Variants in MOCS3 observed in about 807,000 individuals in gnomAD.
MOCS3 encodes the protein adenylyltransferase and sulfurtransferase MOCS3.
A neutral mutation model predicts 8.4 loss-of-function variants in MOCS3; 9 were observed. That is an observed-to-expected ratio of 1.07 (90% confidence interval 0.65 to 1.87). The LOEUF is 1.87. Among genes scored for constraint, MOCS3 ranks in the 40% most tolerant of loss-of-function variants. MOCS3 has a pLI of 0.00. For synonymous variants in MOCS3, 294 were observed against 272.0 expected, an observed-to-expected ratio of 1.08 and a Z score of -0.80; for missense variants, 581 against 599.7, an observed-to-expected ratio of 0.97 and a Z score of 0.33.
rs377351645 is a variant in MOCS3, at chr20:50,959,001, C to G, written c.159C>G (p.Ala53=). Residue 53 remains alanine, a synonymous_variant, in exon 1 of 1, where the codon GCC becomes GCG. Transcript: ENST00000244051. ...CGGTGTCGCCGCTGCCGCCGAAGGC[C>G]GCTCTGTCCCGAGATGAGATTCTGC... ...LVPVSPLPPK[A]ALSRDEILRY... 2.5e-6 allele frequency: 4 copies of G among 1,609,654 alleles called. No homozygotes were observed. The South Asian group carries it at 4.4e-5, about 18-fold the overall frequency.
chr20:50,959,981 G>T lies in MOCS3; in HGVS notation c.1139G>T (p.Arg380Leu). Reference protein sequence around the residue: ...ALHIPLKHLERRDAESLKLLK... With the variant: ...ALHIPLKHLELRDAESLKLLK... The stretch of plus-strand genomic sequence containing the variant: ...CACATCCCTCTGAAACATTTGGAAC[G>T]CAGGGATGCGGAGAGCCTGAAACTC... Residue 380 changes from arginine (R) to leucine (L), a missense_variant, in exon 1 of 1, where the codon CGC becomes CTC. Physicochemically the swap from Arg to Leu is moderately radical, Grantham distance 102 (BLOSUM62 -2). Coordinates refer to ENST00000244051, the MANE Select transcript of MOCS3 (RefSeq NM_014484.5). 6.2e-7 allele frequency: 1 copy of T among 1,614,264 alleles called. No individual in the cohort carries two copies. Among genetic ancestry groups the T allele is most frequent in the South Asian group, 1.1e-5 (1 of 91,084 alleles).
rs761596349 is a variant in MOCS3 at position 50,961,272 on chromosome 20, GTTTT to G, written c.*1051_*1054del. 1.2e-5 allele frequency: 2 copies of G among 166,892 alleles called. No homozygotes were observed. The highest frequency in any genetic ancestry group is 2.9e-5 in the Non-Finnish European group (2 of 68,094). The allele number at this position is 166,892 out of a possible 1,614,324, so 10.3% of individuals were successfully genotyped here. On this transcript the variant is annotated 3_prime_UTR_variant, in exon 1 of 1. Transcript: ENST00000244051. ...TTTGCCTTTTCTCTTTTGATTTAAT[GTTTT>G]TTTATTCCAGCATTTTATACTAATG...
rs904883887 is a variant in MOCS3 at position 50,961,941 on chromosome 20, A to C, written c.*1716A>C. 3 of 152,236 alleles carry C rather than the reference A, an allele frequency of 2.0e-5. No individual in the cohort carries two copies. Among genetic ancestry groups the C allele is most frequent in the African/African-American group, 7.2e-5 (3 of 41,462 alleles). 9.4% of individuals were successfully genotyped at this position (152,236 alleles called of 1,614,324 possible). Reference sequence around the variant, plus strand: ...TACATAGCAGGAAACAAATAGCGACACACAGGAACAATTTCATATTCTAAA... The same window carrying C: ...TACATAGCAGGAAACAAATAGCGACCCACAGGAACAATTTCATATTCTAAA... On this transcript the variant is annotated 3_prime_UTR_variant, in exon 1 of 1. Coordinates refer to ENST00000244051, the MANE Select transcript of MOCS3 (RefSeq NM_014484.5).
Position 50,959,399 on chromosome 20 carries a change from G to T in MOCS3, c.557G>T (p.Arg186Leu). ...VADCSDNVPTRYLVNDACVLA... is the reference protein window; with the variant it reads ...VADCSDNVPTLYLVNDACVLA... ...GACTGCTCGGACAACGTGCCCACTC[G>T]CTACCTGGTTAATGACGCATGTGTG... The change falls in exon 1 of 1, where the codon CGC becomes CTC. Residue 186 changes from arginine (R) to leucine (L), a missense_variant. Physicochemically the swap from Arg to Leu is moderately radical, Grantham distance 102. Coordinates refer to ENST00000244051, the MANE Select transcript of MOCS3 (RefSeq NM_014484.5). The T allele has an allele frequency of 3.7e-6, 6 of 1,613,564 alleles. No homozygotes were observed. The highest frequency in any genetic ancestry group is 5.1e-6 in the Non-Finnish European group (6 of 1,179,840).
chr20:50,959,211 C>T lies in MOCS3; in HGVS notation c.369C>T (p.Ala123=). The T allele has an allele frequency of 1.2e-6, 2 of 1,611,590 alleles. No homozygotes were observed. Among genetic ancestry groups the T allele is most frequent in the Non-Finnish European group, 1.7e-6 (2 of 1,179,226 alleles). ...ACGTGGTAGAGATGAGCAACCTGGC[C>T]CGCCAAGTGCTGCATGGCGAGGCAC... The part of the protein sequence containing the change: ...DYDVVEMSNL[A]RQVLHGEALA... Residue 123 remains alanine (A), a synonymous_variant, in exon 1 of 1, where the codon GCC becomes GCT. Coordinates refer to ENST00000244051, the MANE Select transcript of MOCS3 (RefSeq NM_014484.5).
In MOCS3 at chr20:50,960,125, TATC is replaced by T; in HGVS notation, c.1285_1287del (p.Ser429del). On this transcript the variant is annotated inframe_deletion, in exon 1 of 1. Transcript: ENST00000244051. ...AAAGCCGTGAAGATCCTCCAGTCCT[TATC>T]AGCAGCTCAAGAGTTAGACCCTTTA... 1 of 1,614,216 alleles carries T rather than the reference TATC, an allele frequency of 6.2e-7. No homozygotes were observed. The highest frequency in any genetic ancestry group is 8.5e-7 in the Non-Finnish European group (1 of 1,180,034).
chr20:50,959,029 T>G lies in MOCS3; in HGVS notation c.187T>G (p.Tyr63Asp). 1 of 1,612,586 alleles carries G rather than the reference T, an allele frequency of 6.2e-7. No homozygotes were observed. The highest frequency in any genetic ancestry group is 2.2e-5 in the East Asian group (1 of 44,862). ...TCTGTCCCGAGATGAGATTCTGCGC[T>G]ATAGCCGGCAGCTAGTGCTGCCCGA... ...AALSRDEILRYSRQLVLPELG... is the reference protein window; with the variant it reads ...AALSRDEILRDSRQLVLPELG... The change falls in exon 1 of 1, where the codon TAT becomes GAT. Residue 63 changes from tyrosine (Y) to aspartate (D), a missense_variant. Coordinates refer to ENST00000244051, the MANE Select transcript of MOCS3 (RefSeq NM_014484.5).
In MOCS3 at chr20:50,958,902, A is replaced by T; in HGVS notation, c.60A>T (p.Glu20Asp). 1 of 1,606,010 alleles carries T rather than the reference A, an allele frequency of 6.2e-7. No homozygotes were observed. Among genetic ancestry groups the T allele is most frequent in the Non-Finnish European group, 8.5e-7 (1 of 1,174,026 alleles). Reference protein sequence around the residue: ...LQAEVAQREEELNSLKQKLAS... With the variant: ...LQAEVAQREEDLNSLKQKLAS... ...CTGAAGTTGCCCAACGTGAGGAGGA[A>T]TTGAATTCGCTGAAGCAGAAGCTGG... The change falls in exon 1 of 1, where the codon GAA (glutamate) becomes GAT (aspartate). Residue 20 changes from glutamate (E) to aspartate (D), a missense_variant. Glu to Asp is a conservative substitution (Grantham distance 45). Coordinates refer to ENST00000244051, the MANE Select transcript of MOCS3 (RefSeq NM_014484.5).
Position 50,960,265 on chromosome 20 carries a change from A to C in MOCS3, c.*40A>C. 1.3e-6 allele frequency: 2 copies of C among 1,544,830 alleles called. No individual in the cohort carries two copies. The highest frequency in any genetic ancestry group is 8.7e-7 in the Non-Finnish European group (1 of 1,144,158). On this transcript the variant is annotated 3_prime_UTR_variant, in exon 1 of 1. Transcript: ENST00000244051. ...TCTGATGAGAAAGATGTGGATTGCC[A>C]TAATACCTCAAAGATACACTTGTTT...
Position 50,959,224 on chromosome 20 carries a change from C to T in MOCS3, c.382C>T (p.His128Tyr), listed in dbSNP as rs1379132624. The change falls in exon 1 of 1, where the codon CAT becomes TAT. Residue 128 changes from histidine to tyrosine, a missense_variant. His to Tyr is a moderately conservative substitution (Grantham distance 83). Transcript: ENST00000244051. The part of the protein sequence containing the change: ...EMSNLARQVL[H>Y]GEALAGQAKA... ...GAGCAACCTGGCCCGCCAAGTGCTG[C>T]ATGGCGAGGCACTGGCTGGCCAGGC... 1.2e-6 allele frequency: 2 copies of T among 1,611,210 alleles called. No individual in the cohort carries two copies. The highest frequency in any genetic ancestry group is 1.1e-5 in the South Asian group (1 of 91,030).
Position 50,959,453 on chromosome 20 carries a change from GTGCCT to G in MOCS3, c.615_619del (p.Phe208GlyfsTer9). 1.2e-6 allele frequency: 2 copies of G among 1,613,996 alleles called. No individual in the cohort carries two copies. Among genetic ancestry groups the G allele is most frequent in the Non-Finnish European group, 1.7e-6 (2 of 1,180,044 alleles). On this transcript the variant is annotated frameshift_variant, in exon 1 of 1. Coordinates refer to ENST00000244051, the MANE Select transcript of MOCS3 (RefSeq NM_014484.5). LOFTEE classifies it low-confidence loss of function (END_TRUNC). ...GCGGGTCGGCCCCTCGTGTCTGCCA[GTGCCT>G]TGCGCTTCGAGGGCCAAATCACAGT...
At position 50,960,068 on chromosome 20, in the gene MOCS3, A is replaced by G; in HGVS notation, c.1226A>G (p.Tyr409Cys). Residue 409 changes from tyrosine (Y) to cysteine (C), a missense_variant, in exon 1 of 1, where the codon TAT (tyrosine) becomes TGT (cysteine). By Grantham distance (194) the Tyr-to-Cys change is radical. Coordinates refer to ENST00000244051, the MANE Select transcript of MOCS3 (RefSeq NM_014484.5). ...GTQEGAAVPIYVICKLGNDSQ... is the reference protein window; with the variant it reads ...GTQEGAAVPICVICKLGNDSQ... Reference sequence around the variant, plus strand: ...CAAGAAGGGGCTGCTGTCCCCATTTATGTGATTTGCAAACTGGGAAATGAC... The same window carrying G: ...CAAGAAGGGGCTGCTGTCCCCATTTGTGTGATTTGCAAACTGGGAAATGAC... 1 of 1,614,258 alleles carries G rather than the reference A, an allele frequency of 6.2e-7. No individual in the cohort carries two copies. Among genetic ancestry groups the G allele is most frequent in the Non-Finnish European group, 8.5e-7 (1 of 1,180,054 alleles).
chr20:50,960,057 T>A lies in MOCS3; in HGVS notation c.1215T>A (p.Ala405=). The change falls in exon 1 of 1, where the codon GCT becomes GCA. Residue 405 remains alanine (A), a synonymous_variant. Transcript: ENST00000244051. ...AGCAGGGCACACAAGAAGGGGCTGC[T>A]GTCCCCATTTATGTGATTTGCAAAC... ...EEKQGTQEGA[A]VPIYVICKLG... 6.2e-7 allele frequency: 1 copy of A among 1,614,276 alleles called. No individual in the cohort carries two copies. The highest frequency in any genetic ancestry group is 8.5e-7 in the Non-Finnish European group (1 of 1,180,050).
chr20:50,960,128 C>A lies in MOCS3; in HGVS notation c.1286C>A (p.Ser429Ter), dbSNP rs1343570368. 2 of 1,614,252 alleles carry A rather than the reference C, an allele frequency of 1.2e-6. No homozygotes were observed. The highest frequency in any genetic ancestry group is 1.7e-6 in the Non-Finnish European group (2 of 1,180,042). The change falls in exon 1 of 1, where the codon TCA (serine) becomes TAA (stop). Residue 429 changes from serine to a stop codon, truncating the protein, a stop_gained. Coordinates refer to ENST00000244051, the MANE Select transcript of MOCS3 (RefSeq NM_014484.5). LOFTEE classifies it high-confidence loss of function. ...QKAVKILQSL[S>*]AAQELDPLTV... ...GCCGTGAAGATCCTCCAGTCCTTAT[C>A]AGCAGCTCAAGAGTTAGACCCTTTA...
At position 50,960,394 on chromosome 20, in the gene MOCS3, A is replaced by G; in HGVS notation, c.*169A>G. On this transcript the variant is annotated 3_prime_UTR_variant, in exon 1 of 1. Coordinates refer to ENST00000244051, the MANE Select transcript of MOCS3 (RefSeq NM_014484.5). Reference sequence around the variant, plus strand: ...TTAAAAATTGTTATGTATTGGATGAATGACTTATTAATGGATTATACCGTT... The same window carrying G: ...TTAAAAATTGTTATGTATTGGATGAGTGACTTATTAATGGATTATACCGTT... 1.5e-6 allele frequency: 1 copy of G among 659,122 alleles called. No individual in the cohort carries two copies. The highest frequency in any genetic ancestry group is 2.5e-6 in the Non-Finnish European group (1 of 405,910). The allele number at this position is 659,122 out of a possible 1,614,324, so 40.8% of individuals were successfully genotyped here.
rs1321518342 is a variant in MOCS3, at chr20:50,958,943, C to A, written c.101C>A (p.Ala34Asp). The change falls in exon 1 of 1, where the codon GCT becomes GAT. Residue 34 changes from alanine (A) to aspartate (D), a missense_variant. Transcript: ENST00000244051. ...CAGAAGCTGGCGTCGGCTCTTTTGGCTGAGCAGGAACCGCAGCCAGAACGG... is the reference window on the plus strand; with the variant it reads ...CAGAAGCTGGCGTCGGCTCTTTTGGATGAGCAGGAACCGCAGCCAGAACGG... ...LKQKLASALL[A>D]EQEPQPERLV... 13 of 1,610,906 alleles carry A rather than the reference C, an allele frequency of 8.1e-6. No homozygotes were observed. The highest frequency in any genetic ancestry group is 1.1e-5 in the Non-Finnish European group (13 of 1,178,026).
Position 50,960,282 on chromosome 20 carries a change from C to G in MOCS3, c.*57C>G. The G allele has an allele frequency of 6.6e-7, 1 of 1,508,188 alleles. No homozygotes were observed. Among genetic ancestry groups the G allele is most frequent in the Non-Finnish European group, 8.9e-7 (1 of 1,124,000 alleles). The allele number at this position is 1,508,188 out of a possible 1,614,324, so 93.4% of individuals were successfully genotyped here. A position where few individuals can be genotyped will look rare whatever the true frequency, so the allele number is the denominator to read the frequency against. ...GGATTGCCATAATACCTCAAAGATACACTTGTTTGCATTTTTCGGTAATAT... is the reference window on the plus strand; with the variant it reads ...GGATTGCCATAATACCTCAAAGATAGACTTGTTTGCATTTTTCGGTAATAT... On this transcript the variant is annotated 3_prime_UTR_variant, in exon 1 of 1. Transcript: ENST00000244051.
chr20:50,959,499 T>A lies in MOCS3; in HGVS notation c.657T>A (p.Gly219=). The change falls in exon 1 of 1, where the codon GGT becomes GGA. Residue 219 remains glycine, a synonymous_variant. Transcript: ENST00000244051. ...EGQITVYHYD[G]GPCYRCIFPQ... ...AAATCACAGTCTACCATTATGACGGTGGCCCTTGCTATCGCTGCATATTCC... is the reference window on the plus strand; with the variant it reads ...AAATCACAGTCTACCATTATGACGGAGGCCCTTGCTATCGCTGCATATTCC... 1 of 1,614,122 alleles carries A rather than the reference T, an allele frequency of 6.2e-7. No homozygotes were observed. Among genetic ancestry groups the A allele is most frequent in the Non-Finnish European group, 8.5e-7 (1 of 1,180,036 alleles).
In MOCS3 at chr20:50,959,728, G is replaced by C. The variant is rs763037031; in HGVS notation, c.886G>C (p.Asp296His). 3 of 1,614,240 alleles carry C rather than the reference G, an allele frequency of 1.9e-6. No homozygotes were observed. Among genetic ancestry groups the C allele is most frequent in the South Asian group, 2.2e-5 (2 of 91,080 alleles). Residue 296 changes from aspartate to histidine, a missense_variant, in exon 1 of 1, where the codon GAC becomes CAC. By Grantham distance (81) the Asp-to-His change is moderately conservative (BLOSUM62 -1). Transcript: ENST00000244051. ...RSIRLRSRRL[D>H]CAACGERPTV... ...TATTCGGCTGCGGAGCCGCAGGCTC[G>C]ACTGTGCAGCTTGCGGGGAACGGCC...
Sources: gnomAD v4.1 joint callset for allele counts on GRCh38, gnomAD v4.1.1 for gene constraint, MANE v1.5 for transcripts, NCBI Gene and HGNC (gene_info 2026-07-23, HGNC 2026-07-21) for gene names.